The following TENM1 variants were observed in gnomAD, a reference collection of about 807,000 sequenced individuals.
The protein encoded by TENM1 is teneurin-1.
A neutral mutation model predicts 174.8 loss-of-function variants in TENM1; 35 were observed. The observed-to-expected ratio is 0.20, with a 90% CI of 0.15 to 0.27. The LOEUF (loss-of-function observed/expected upper bound fraction) is 0.27. TENM1 is among the 10% of genes least tolerant of loss of function. TENM1 has a pLI of 1.00. For synonymous variants in TENM1, 781 were observed against 798.7 expected, an observed-to-expected ratio of 0.98 and a Z score of 0.37; for missense variants, 1,633 against 2,130.1, an observed-to-expected ratio of 0.77 and a Z score of 4.59.
At chrX:125,023,924 T>C in the TENM1 span, among the ~76,000 whole-genome samples, 8 of 111,607 alleles carry the variant, frequency 7.2e-5, no homozygotes, top group Non-Finnish European at 1.3e-4. Context: ...GCAAAGGATA[T>C]GAACAGATAT....
chrX:124,410,520 T>C, intron 25 of TENM1, among the ~76,000 whole-genome samples: 1 of 110,832 alleles, frequency 9.0e-6, no homozygotes, highest in East Asian at 2.8e-4. Context: ...AATTGAGAAA[T>C]GGAATCTAAT....
At chrX:125,085,047 T>C in the TENM1 span, among the ~76,000 whole-genome samples, 1 of 110,537 alleles carries the variant, frequency 9.0e-6, no homozygotes, top group African/African-American at 3.3e-5. Context: ...GCATCATTCC[T>C]ACCCAAGCCA....
the TENM1 span, among the ~76,000 whole-genome samples, chrX:125,174,154 G>A: frequency 9.9e-5 from 11 of 111,432 alleles, no homozygotes; most frequent in Admixed American, 1.9e-4. Flanking sequence ...TGTGCTCACC[G>A]TTAGAAACAC....
At chrX:124,591,279 T>G (rs753050366) in intron 11 of TENM1, among the ~76,000 whole-genome samples, 5 of 111,635 alleles carry the variant, frequency 4.5e-5, no homozygotes, top group Non-Finnish European at 7.5e-5. Context: ...CTGAAGTTGT[T>G]AACTGGTTGC....
intron 3 of TENM1, among the ~76,000 whole-genome samples, chrX:124,759,838 C>T (rs996503025): frequency 1.1e-4 from 12 of 111,875 alleles, no homozygotes; most frequent in Middle Eastern, 4.6e-3. Flanking sequence ...CATAACAATA[C>T]GCCATTGACT....
At chrX:125,176,742 C>G in the TENM1 span, among the ~76,000 whole-genome samples, 2 of 111,718 alleles carry the variant, frequency 1.8e-5, no homozygotes. Context: ...AAATGACTTA[C>G]AAAAATGTAC....
the TENM1 span, among the ~76,000 whole-genome samples, chrX:125,128,450 T>C: frequency 8.9e-6 from 1 of 111,881 alleles, no homozygotes; most frequent in Non-Finnish European, 1.9e-5. Flanking sequence ...CACTAATAAC[T>C]GTATTGCCCT....
At chrX:124,651,164 G>A (rs1035146848) in intron 8 of TENM1, among the ~76,000 whole-genome samples, 2 of 111,699 alleles carry the variant, frequency 1.8e-5, no homozygotes, top group African/African-American at 3.3e-5. Context: ...CTGTGTCTAT[G>A]AGTTGTTTAT....
chrX:124,753,866 T>C (rs1603132357), intron 3 of TENM1, among the ~76,000 whole-genome samples: 1 of 111,786 alleles, frequency 8.9e-6, no homozygotes. Context: ...ATAAGCTTTT[T>C]GATGTGCTGC....
chrX:124,887,779 G>A (rs752490411), intron 3 of TENM1, among the ~76,000 whole-genome samples: 4 of 111,016 alleles, frequency 3.6e-5, no homozygotes, highest in South Asian at 7.6e-4. Context: ...TCTCACACAC[G>A]CCTAATGGGT....
the TENM1 span, among the ~76,000 whole-genome samples, chrX:125,027,159 G>GA: frequency 8.9e-6 from 1 of 111,870 alleles, no homozygotes; most frequent in African/African-American, 3.2e-5. Context: ...TGTCTACACA[G>GA]AAAAATCCAA....
chrX:124,877,308 AT>A (rs2057221775), intron 3 of TENM1, among the ~76,000 whole-genome samples: 1 of 112,156 alleles, frequency 8.9e-6, no homozygotes, highest in Admixed American at 9.5e-5. Flanking sequence ...TTCATTTGTA[AT>A]TTTTTGGCTG....
chrX:124,468,233 T>C (rs1318968245), intron 22 of TENM1, among the ~76,000 whole-genome samples: 1 of 110,032 alleles, frequency 9.1e-6, no homozygotes, highest in Non-Finnish European at 1.9e-5. Context: ...TGGAGTGCAG[T>C]GGCGTGATCT....
intron 1 of TENM1, among the ~76,000 whole-genome samples, chrX:124,920,423 C>A (rs1247141093): frequency 9.0e-6 from 1 of 111,291 alleles, no homozygotes; most frequent in Non-Finnish European, 1.9e-5. Context: ...TGACCAGAAC[C>A]ACACATTTAG....
chrX:125,106,426 T>C, the TENM1 span, among the ~76,000 whole-genome samples: 1 of 109,232 alleles, frequency 9.2e-6, no homozygotes, highest in Non-Finnish European at 1.9e-5. Context: ...TTTTTTTTTT[T>C]TGAGATGGAG....
the TENM1 span, among the ~76,000 whole-genome samples, chrX:125,200,190 T>C: frequency 8.9e-6 from 1 of 111,944 alleles, no homozygotes; most frequent in Admixed American, 9.5e-5. Context: ...ATAAAAATAA[T>C]ATATTAAGCC....
the TENM1 span, among the ~76,000 whole-genome samples, chrX:125,193,886 G>C: frequency 9.0e-6 from 1 of 111,005 alleles, no homozygotes; most frequent in Non-Finnish European, 1.9e-5. Context: ...GCACAAGCAA[G>C]CAATCCTCCC....
upstream of TENM1, among the ~76,000 whole-genome samples, chrX:124,965,066 AT>A (rs11284309): frequency 0.098 from 10,445 of 106,341 alleles, 1,162 homozygotes; most frequent in African/African-American, 0.38. Flanking sequence ...TTATTGATCA[AT>A]TTGATTGATT....
chrX:124,410,211 T>C (rs1603255594), intron 25 of TENM1, among the ~76,000 whole-genome samples: 1 of 111,287 alleles, frequency 9.0e-6, no homozygotes, highest in East Asian at 2.8e-4. Context: ...TCAGAAATAA[T>C]GCTGCATATC....
Sources: gnomAD v4.1 joint callset for allele counts (sites outside exome capture counted in the v4.1 genomes callset) on GRCh38, gnomAD v4.1.1 for gene constraint, MANE v1.5 for transcripts, NCBI Gene and HGNC (gene_info 2026-07-23, HGNC 2026-07-21) for gene names.